Variants in ZNF469 observed in about 807,000 individuals in gnomAD.
The protein encoded by ZNF469 is zinc finger protein 469.
In ZNF469, 1 loss-of-function variant was observed where a neutral mutation model predicts 1.0. That is an observed-to-expected ratio of 1.00 (90% confidence interval 0.35 to 4.73). The LOEUF is 4.73. Ranked by LOEUF, ZNF469 falls within the 30% of genes most tolerant of loss-of-function variation. The pLI is 0.16. For synonymous variants in ZNF469, 2,703 were observed against 2,363.4 expected, an observed-to-expected ratio of 1.14 and a Z score of -4.17; for missense variants, 6,100 against 5,356.3, an observed-to-expected ratio of 1.14 and a Z score of -4.33.
At chr16:88,246,273 A>G in the ZNF469 span, among the ~76,000 whole-genome samples, 3 of 152,192 alleles carry the variant, frequency 2.0e-5, no homozygotes, top group Admixed American at 2.0e-4. Flanking sequence ...TCCCTTCTGT[A>G]TTTAACATTT....
chr16:88,258,643 A>T, the ZNF469 span, among the ~76,000 whole-genome samples: 4 of 149,468 alleles, frequency 2.7e-5, no homozygotes, highest in African/African-American at 4.9e-5. Context: ...ATGAGTTTAG[A>T]CACTTGGAGA....
the ZNF469 span, among the ~76,000 whole-genome samples, chr16:88,108,839 T>C: frequency 6.6e-6 from 1 of 152,218 alleles, no homozygotes; most frequent in Non-Finnish European, 1.5e-5. Flanking sequence ...CCAGCAGCTC[T>C]GTGGGGAGGC....
At chr16:88,285,606 C>T in the ZNF469 span, among the ~76,000 whole-genome samples, 1 of 152,272 alleles carries the variant, frequency 6.6e-6, no homozygotes, top group Non-Finnish European at 1.5e-5. Context: ...ACCCTCTTGC[C>T]CACAGCTGTG....
At chr16:88,245,898 G>A in the ZNF469 span, among the ~76,000 whole-genome samples, 14,845 of 143,542 alleles carry the variant, frequency 0.1, no homozygotes, top group South Asian at 0.15. Context: ...ACAGACCACA[G>A]GGACTGGGGC....
chr16:88,185,242 C>A, the ZNF469 span, among the ~76,000 whole-genome samples: 13 of 152,038 alleles, frequency 8.6e-5, no homozygotes, highest in African/African-American at 3.1e-4. Context: ...CGGGCACACC[C>A]AGACTGATGC....
chr16:88,273,252 A>AC, the ZNF469 span, among the ~76,000 whole-genome samples: 1 of 151,088 alleles, frequency 6.6e-6, no homozygotes, highest in Non-Finnish European at 1.5e-5. Context: ...GTGTTATGCT[A>AC]GAAAAGAATG....
At chr16:88,216,277 C>A in the ZNF469 span, among the ~76,000 whole-genome samples, 32 of 152,074 alleles carry the variant, frequency 2.1e-4, 1 homozygote, top group Non-Finnish European at 1.5e-5. Context: ...GGGTGGATCA[C>A]GAGGTCAGGA....
the ZNF469 span, among the ~76,000 whole-genome samples, chr16:88,360,528 C>CCGCA: frequency 0.02 from 2,572 of 131,352 alleles, 693 homozygotes; most frequent in East Asian, 0.057. Context: ...CAGACAGCGC[C>CCGCA]TGCATGCTCC....
chr16:88,157,037 T>C, the ZNF469 span, among the ~76,000 whole-genome samples: 4 of 151,962 alleles, frequency 2.6e-5, no homozygotes, highest in Non-Finnish European at 5.9e-5. Context: ...GGTGCCGGGG[T>C]TTCCTTGCTG....
At chr16:88,401,722 G>GTA in intron 1 of ZNF469, among the ~76,000 whole-genome samples, 1 of 28,494 alleles carries the variant, frequency 3.5e-5, no homozygotes, top group South Asian at 6.7e-4. Flanking sequence ...TAGATGGATG[G>GTA]GTGGATGGGT....
At chr16:88,263,687 A>G in the ZNF469 span, among the ~76,000 whole-genome samples, 1 of 152,122 alleles carries the variant, frequency 6.6e-6, no homozygotes, top group Non-Finnish European at 1.5e-5. Context: ...GAGTCGCCAG[A>G]GGACCCGTAG....
In ZNF469 at chr16:88,438,458, G is replaced by T; in HGVS notation, c.10988G>T (p.Gly3663Val). 1 of 1,550,142 alleles carries T rather than the reference G, an allele frequency of 6.5e-7. No homozygotes were observed. Among genetic ancestry groups the T allele is most frequent in the African/African-American group, 1.4e-5 (1 of 73,170 alleles). The change falls in exon 3 of 3, where the codon GGC becomes GTC. Residue 3663 changes from glycine to valine, a missense_variant. Physicochemically the swap from Gly to Val is moderately radical, Grantham distance 109. Coordinates refer to ENST00000565624, the MANE Select transcript of ZNF469 (RefSeq NM_001367624.2). ...ATGGTGTCTGAGGGGGGGCCCCGAGGCGCCTTCCACAAGGGCAGCGCCACC... is the reference window on the plus strand; with the variant it reads ...ATGGTGTCTGAGGGGGGGCCCCGAGTCGCCTTCCACAAGGGCAGCGCCACC... ...SHMVSEGGPR[G>V]AFHKGSATKP... is the part of the protein sequence containing the mutation.
the ZNF469 span, among the ~76,000 whole-genome samples, chr16:88,267,914 C>T: frequency 6.6e-6 from 1 of 152,122 alleles, no homozygotes; most frequent in African/African-American, 2.4e-5. Context: ...ACAGCACCAG[C>T]TGGCTTTCCA....
At chr16:88,179,111 G>A in the ZNF469 span, among the ~76,000 whole-genome samples, 78 of 152,302 alleles carry the variant, frequency 5.1e-4, no homozygotes, top group African/African-American at 1.7e-3. Context: ...AGTCATTCTC[G>A]GAGTGGGCCC....
At chr16:88,148,117 G>T in the ZNF469 span, among the ~76,000 whole-genome samples, 1 of 152,136 alleles carries the variant, frequency 6.6e-6, no homozygotes, top group African/African-American at 2.4e-5. Context: ...GTGTACGCCA[G>T]CGGTCACCTG....
At chr16:88,192,014 A>G in the ZNF469 span, 1 of 152,248 alleles carries the variant, frequency 6.6e-6, no homozygotes, top group Non-Finnish European at 1.5e-5. Context: ...GTGGGACCCC[A>G]TGATGGGACT....
At chr16:88,375,699 C>T in the ZNF469 span, among the ~76,000 whole-genome samples, 1 of 152,242 alleles carries the variant, frequency 6.6e-6, no homozygotes, top group Non-Finnish European at 1.5e-5. Context: ...GCATGAGGCG[C>T]ACTGTCCTCT....
the ZNF469 span, among the ~76,000 whole-genome samples, chr16:88,239,170 C>T: frequency 6.6e-6 from 1 of 152,024 alleles, no homozygotes; most frequent in African/African-American, 2.4e-5. Flanking sequence ...GGGGTTGTGC[C>T]GAAGTCTCTG....
the ZNF469 span, among the ~76,000 whole-genome samples, chr16:88,193,162 A>G: frequency 2.0e-4 from 13 of 63,816 alleles, no homozygotes; most frequent in South Asian, 7.1e-4. Flanking sequence ...GATGGTGGTG[A>G]TGGTGGTGGG....
Sources: gnomAD v4.1 joint callset for allele counts (sites outside exome capture counted in the v4.1 genomes callset) on GRCh38, gnomAD v4.1.1 for gene constraint, MANE v1.5 for transcripts, NCBI Gene and HGNC (gene_info 2026-07-23, HGNC 2026-07-21) for gene names.